The following PIGN variants were observed in gnomAD, a reference collection of about 807,000 sequenced individuals.
PIGN encodes GPI ethanolamine phosphate transferase 1.
In PIGN, 117 loss-of-function variants were observed where a neutral mutation model predicts 125.4. The ratio of observed to expected loss-of-function variants is 0.93; its 90% CI spans 0.80 to 1.09. The LOEUF (loss-of-function observed/expected upper bound fraction) is 1.09. Ranked by LOEUF, PIGN falls within the 50% of genes least tolerant of loss-of-function variation. PIGN has a pLI of 0.00. For synonymous variants in PIGN, 392 were observed against 377.8 expected, an observed-to-expected ratio of 1.04 and a Z score of -0.44; for missense variants, 1,075 against 1,094.9, an observed-to-expected ratio of 0.98 and a Z score of 0.26.
intron 23 of PIGN, among the ~76,000 whole-genome samples, chr18:62,021,390 A>T (rs551920395): frequency 6.6e-6 from 1 of 152,334 alleles, no homozygotes; most frequent in Non-Finnish European, 1.5e-5. Context: ...CAGCCAGAAG[A>T]CACAGGCTTT....
intron 1 of PIGN, among the ~76,000 whole-genome samples, chr18:62,177,784 T>C (rs2037577784): frequency 6.6e-6 from 1 of 152,222 alleles, no homozygotes; most frequent in African/African-American, 2.4e-5. Flanking sequence ...TGTTTTGTTA[T>C]CTTACTGATC....
chr18:62,169,223 T>C (rs1283263839), intron 1 of PIGN, among the ~76,000 whole-genome samples: 1 of 152,234 alleles, frequency 6.6e-6, no homozygotes, highest in African/African-American at 2.4e-5. Flanking sequence ...CTGCATCATG[T>C]ACTCTCTTCC....
intron 30 of PIGN, among the ~76,000 whole-genome samples, chr18:62,059,640 C>T (rs981725436): frequency 3.9e-5 from 6 of 152,190 alleles, no homozygotes; most frequent in Admixed American, 2.6e-4. Flanking sequence ...GTTGCCTGGG[C>T]TTGGGATGGT....
At chr18:62,119,023 C>T (rs963527643) in intron 14 of PIGN, among the ~76,000 whole-genome samples, 1 of 151,794 alleles carries the variant, frequency 6.6e-6, no homozygotes, top group African/African-American at 2.4e-5. Context: ...ATTCAGTGAC[C>T]ACCAGAGAAG....
intron 28 of PIGN, among the ~76,000 whole-genome samples, chr18:62,078,986 G>A (rs2033316239): frequency 6.6e-6 from 1 of 152,142 alleles, no homozygotes; most frequent in Non-Finnish European, 1.5e-5. Context: ...CTGAATAATG[G>A]TGAAGTCCTA....
At chr18:62,029,147 G>A (rs2030161708) in intron 23 of PIGN, among the ~76,000 whole-genome samples, 1 of 152,202 alleles carries the variant, frequency 6.6e-6, no homozygotes, top group Non-Finnish European at 1.5e-5. Context: ...TGAAGGGACA[G>A]GAAAGAGTGG....
In PIGN at chr18:62,074,116, T is replaced by G. The variant is rs554070979; in HGVS notation, c.2619+663A>C. Among the ~76,000 whole-genome samples the G allele has an allele frequency of 1.4e-4, 21 of 152,310 alleles. No homozygotes were observed. The South Asian group carries it at 4.1e-3, about 30-fold the overall frequency. On this transcript the variant is annotated intron_variant, in intron 29 of 30. Coordinates refer to ENST00000640252, the MANE Select transcript of PIGN (RefSeq NM_176787.5). ...AGTGGGAGGGTAATGCTGTCCTGATTCCACAGGGAGAAACAGAAGCTTGGC... is the reference window on the plus strand; with the variant it reads ...AGTGGGAGGGTAATGCTGTCCTGATGCCACAGGGAGAAACAGAAGCTTGGC...
chr18:62,086,454 T>C (rs1485461732), intron 25 of PIGN, among the ~76,000 whole-genome samples: 1 of 151,930 alleles, frequency 6.6e-6, no homozygotes, highest in Non-Finnish European at 1.5e-5. Flanking sequence ...CCGTCTCTAC[T>C]AAAAATACAA....
At chr18:62,089,757 T>C (rs909446501) in intron 24 of PIGN, among the ~76,000 whole-genome samples, 3 of 152,174 alleles carry the variant, frequency 2.0e-5, no homozygotes, top group African/African-American at 7.2e-5. Flanking sequence ...ACTGGAGCCA[T>C]ATAACGATGG....
chr18:62,026,371 T>C (rs891202659), intron 23 of PIGN, among the ~76,000 whole-genome samples: 1 of 152,120 alleles, frequency 6.6e-6, no homozygotes, highest in Non-Finnish European at 1.5e-5. Flanking sequence ...GACTCAGCAT[T>C]ATAAATTCTA....
At chr18:62,171,531 T>C (rs1357335196) in intron 1 of PIGN, among the ~76,000 whole-genome samples, 3 of 152,218 alleles carry the variant, frequency 2.0e-5, no homozygotes, top group African/African-American at 7.2e-5. Flanking sequence ...GCAGAAATCC[T>C]TGCCTTGTTT....
At chr18:62,100,423 C>G (rs995818588) in intron 22 of PIGN, among the ~76,000 whole-genome samples, 1 of 152,040 alleles carries the variant, frequency 6.6e-6, no homozygotes, top group African/African-American at 2.4e-5. Context: ...ACCCAAACAA[C>G]AAAAATCATC....
chr18:62,056,958 T>C (rs751354617), intron 30 of PIGN: 8 of 152,374 alleles, frequency 5.3e-5, no homozygotes, highest in Non-Finnish European at 1.0e-4. Context: ...GAATGCCTGA[T>C]GATCTGAGGT....
chr18:62,151,486 G>GT (rs374857756), intron 7 of PIGN, among the ~76,000 whole-genome samples: 1 of 152,278 alleles, frequency 6.6e-6, no homozygotes, highest in East Asian at 1.9e-4. Context: ...CCTCGGATAG[G>GT]TATGTGTACA....
intron 23 of PIGN, among the ~76,000 whole-genome samples, chr18:62,019,762 G>C (rs544603099): frequency 6.6e-6 from 1 of 152,168 alleles, no homozygotes; most frequent in Non-Finnish European, 1.5e-5. Flanking sequence ...TAGCCCTCCC[G>C]CAGTAAGCAA....
intron 14 of PIGN, among the ~76,000 whole-genome samples, chr18:62,122,514 G>A (rs762455981): frequency 9.2e-5 from 14 of 152,006 alleles, no homozygotes; most frequent in East Asian, 1.9e-4. Context: ...CACAAACAGC[G>A]ACAAGGACAT....
rs1568274471 is a variant in PIGN at position 62,187,025 on chromosome 18, GC to G, written c.-418del. The G allele has an allele frequency of 1.3e-5, 2 of 153,258 alleles. No homozygotes were observed. Among genetic ancestry groups the G allele is most frequent in the African/African-American group, 4.8e-5 (2 of 41,476 alleles). 9.5% of individuals were successfully genotyped at this position (153,258 alleles called of 1,614,324 possible). A position where few individuals can be genotyped will look rare whatever the true frequency, so the allele number is the denominator to read the frequency against. ...CAATTCCGGAACGCCCCCAATACCTGCCCGGCCGCTGCTGCTATCGCGATAA... is the reference window on the plus strand; with the variant it reads ...CAATTCCGGAACGCCCCCAATACCTGCCGGCCGCTGCTGCTATCGCGATAA... On this transcript the variant is annotated 5_prime_UTR_variant, in exon 1 of 31. Transcript: ENST00000640252.
chr18:62,130,460 A>G (rs1599590959), intron 14 of PIGN, among the ~76,000 whole-genome samples: 2 of 152,324 alleles, frequency 1.3e-5, no homozygotes, highest in East Asian at 3.9e-4. Flanking sequence ...TTGTGAGGAA[A>G]AATTTCCTTT....
intron 23 of PIGN, among the ~76,000 whole-genome samples, chr18:62,027,245 T>C (rs973892479): frequency 9.9e-5 from 15 of 152,138 alleles, no homozygotes; most frequent in African/African-American, 2.7e-4. Context: ...GAAGATCCCT[T>C]GAGCCCAGGA....
Sources: gnomAD v4.1 joint callset for allele counts (sites outside exome capture counted in the v4.1 genomes callset) on GRCh38, gnomAD v4.1.1 for gene constraint, MANE v1.5 for transcripts, NCBI Gene and HGNC (gene_info 2026-07-23, HGNC 2026-07-21) for gene names.